NXPE4: variants seen among roughly 807,000 people sequenced by gnomAD.
NXPE4 encodes the protein neurexophilin and PC-esterase domain family member 4.
In NXPE4, 42 loss-of-function variants were observed where a neutral mutation model predicts 33.3. The observed-to-expected ratio is 1.26, with a 90% CI of 0.98 to 1.63. The LOEUF (loss-of-function observed/expected upper bound fraction) is 1.63, where lower values mean the gene tolerates loss of function less well. Among genes scored for constraint, NXPE4 ranks in the 40% most tolerant of loss-of-function variants. The pLI is 0.00. For synonymous variants in NXPE4, 253 were observed against 234.9 expected, an observed-to-expected ratio of 1.08 and a Z score of -0.71; for missense variants, 709 against 647.6, an observed-to-expected ratio of 1.09 and a Z score of -1.03.
chr11:114,656,091 A>G, the NXPE4 span, among the ~76,000 whole-genome samples: 1 of 152,170 alleles, frequency 6.6e-6, no homozygotes, highest in Non-Finnish European at 1.5e-5. Context: ...CTCAGGATAC[A>G]AAAATCAATG....
At chr11:114,632,095 TATA>T in the NXPE4 span, among the ~76,000 whole-genome samples, 3 of 144,934 alleles carry the variant, frequency 2.1e-5, no homozygotes, top group African/African-American at 5.0e-5. Context: ...ATATTGTAAA[TATA>T]ATGTAATATA....
chr11:114,614,349 T>G, the NXPE4 span, among the ~76,000 whole-genome samples: 1 of 151,642 alleles, frequency 6.6e-6, no homozygotes, highest in Non-Finnish European at 1.5e-5. Flanking sequence ...TAATAAGTGT[T>G]GCCTCTAGGG....
At chr11:114,602,178 A>G in the NXPE4 span, among the ~76,000 whole-genome samples, 5 of 107,822 alleles carry the variant, frequency 4.6e-5, no homozygotes, top group African/African-American at 1.9e-4. Flanking sequence ...ATATTATACT[A>G]TATACATTAT....
the NXPE4 span, among the ~76,000 whole-genome samples, chr11:114,628,069 T>C: frequency 6.7e-6 from 1 of 149,604 alleles, no homozygotes; most frequent in Non-Finnish European, 1.5e-5. Context: ...ACGTTAATAA[T>C]GGGAGACTTT....
the NXPE4 span, among the ~76,000 whole-genome samples, chr11:114,619,415 G>A: frequency 1.3e-5 from 2 of 151,978 alleles, no homozygotes; most frequent in East Asian, 1.9e-4. Context: ...GATAAGTGTT[G>A]CCTCGTGGGT....
chr11:114,605,050 G>A, the NXPE4 span, among the ~76,000 whole-genome samples: 44 of 151,836 alleles, frequency 2.9e-4, no homozygotes, highest in East Asian at 6.2e-3. Flanking sequence ...GTACTGCCTC[G>A]TGGGTAACCA....
chr11:114,632,126 TAAAA>T, the NXPE4 span, among the ~76,000 whole-genome samples: 1 of 144,114 alleles, frequency 6.9e-6, no homozygotes. Flanking sequence ...TATATTATAA[TAAAA>T]TATATTATAA....
chr11:114,585,298 G>T (rs1485387678), intron 2 of NXPE4, among the ~76,000 whole-genome samples: 2 of 151,758 alleles, frequency 1.3e-5, no homozygotes, highest in Non-Finnish European at 2.9e-5. Context: ...TAATAAAATG[G>T]TATATTTCAT....
chr11:114,674,501 A>T, the NXPE4 span, among the ~76,000 whole-genome samples: 1 of 151,746 alleles, frequency 6.6e-6, no homozygotes, highest in African/African-American at 2.4e-5. Context: ...TTTTATGCAA[A>T]CCTCATGGCA....
the NXPE4 span, among the ~76,000 whole-genome samples, chr11:114,615,989 G>T: frequency 6.7e-6 from 1 of 149,860 alleles, no homozygotes; most frequent in South Asian, 2.1e-4. Flanking sequence ...TCGTGGAAAA[G>T]CACTGTGACC....
the NXPE4 span, among the ~76,000 whole-genome samples, chr11:114,647,368 C>T: frequency 6.6e-6 from 1 of 152,170 alleles, no homozygotes; most frequent in South Asian, 2.1e-4. Flanking sequence ...TCTAGAACAA[C>T]TTATATAAGA....
the NXPE4 span, among the ~76,000 whole-genome samples, chr11:114,669,504 T>A: frequency 6.6e-6 from 1 of 152,050 alleles, no homozygotes. Context: ...AAGAATGGCT[T>A]AGAAGTCCTG....
chr11:114,605,652 G>T, the NXPE4 span, among the ~76,000 whole-genome samples: 1 of 151,736 alleles, frequency 6.6e-6, no homozygotes, highest in Non-Finnish European at 1.5e-5. Flanking sequence ...ACAGTTAGCT[G>T]GTGGATAATA....
At chr11:114,652,873 G>A in the NXPE4 span, among the ~76,000 whole-genome samples, 5 of 152,190 alleles carry the variant, frequency 3.3e-5, no homozygotes, top group Non-Finnish European at 1.5e-5. Flanking sequence ...GGTACTGCAA[G>A]CCCAGTGGTG....
the NXPE4 span, among the ~76,000 whole-genome samples, chr11:114,635,943 C>T: frequency 6.6e-6 from 1 of 152,052 alleles, no homozygotes; most frequent in African/African-American, 2.4e-5. Context: ...GGTGGTTTCT[C>T]TGCCCGTCTT....
At chr11:114,633,518 T>A in the NXPE4 span, among the ~76,000 whole-genome samples, 1 of 151,156 alleles carries the variant, frequency 6.6e-6, no homozygotes, top group Non-Finnish European at 1.5e-5. Flanking sequence ...AATGTGCAGG[T>A]TAGTTATCCA....
the NXPE4 span, among the ~76,000 whole-genome samples, chr11:114,663,649 T>TATCTATCC: frequency 2.1e-5 from 3 of 140,458 alleles, no homozygotes; most frequent in East Asian, 2.1e-4. Flanking sequence ...TCTATCCATC[T>TATCTATCC]ATCATCTATT....
At chr11:114,641,123 G>A in the NXPE4 span, among the ~76,000 whole-genome samples, 1 of 151,994 alleles carries the variant, frequency 6.6e-6, no homozygotes, top group South Asian at 2.1e-4. Flanking sequence ...TCTGGTGCAC[G>A]AGTAGAATGT....
At chr11:114,619,313 C>T in the NXPE4 span, among the ~76,000 whole-genome samples, 13 of 152,148 alleles carry the variant, frequency 8.5e-5, no homozygotes, top group Non-Finnish European at 1.2e-4. Context: ...CACTGTTCCC[C>T]GCTGGATAAT....
Sources: gnomAD v4.1 joint callset for allele counts (sites outside exome capture counted in the v4.1 genomes callset) on GRCh38, gnomAD v4.1.1 for gene constraint, MANE v1.5 for transcripts, NCBI Gene and HGNC (gene_info 2026-07-23, HGNC 2026-07-21) for gene names.